The following NFATC1 variants were observed in gnomAD, a reference collection of about 807,000 sequenced individuals.
NFATC1 encodes the protein nuclear factor of activated T cells 1, also known as nuclear factor of activated T-cells, cytoplasmic 1.
A neutral mutation model predicts 76.0 loss-of-function variants in NFATC1; 22 were observed. That is an observed-to-expected ratio of 0.29 (90% confidence interval 0.21 to 0.41). The LOEUF (loss-of-function observed/expected upper bound fraction) is 0.41, where lower values mean the gene tolerates loss of function less well. Ranked by LOEUF, NFATC1 falls within the 10% of genes least tolerant of loss-of-function variation. The pLI is 1.00. For missense variants in NFATC1, 1,357 were observed against 1,337.7 expected, an observed-to-expected ratio of 1.01 and a Z score of -0.23; for synonymous variants, 704 against 613.1, an observed-to-expected ratio of 1.15 and a Z score of -2.19.
intron 8 of NFATC1, among the ~76,000 whole-genome samples, chr18:79,483,054 C>A (rs1426059594): frequency 5.7e-5 from 7 of 121,944 alleles, no homozygotes; most frequent in African/African-American, 9.3e-5. Flanking sequence ...GTGACCTGGT[C>A]CTGGGGTGTC....
rs749679697 is a variant in NFATC1 at position 79,486,938 on chromosome 18, G to C, written c.2782+1G>C. 18 of 1,588,130 alleles carry C rather than the reference G, an allele frequency of 1.1e-5. No homozygotes were observed. Among genetic ancestry groups the C allele is most frequent in the Non-Finnish European group, 1.5e-5 (17 of 1,164,496 alleles). ...TTGGACCAGTTGTACCTGGATGACG[G>C]TGAGTGCCCGCAGCCATGCAGGTGT... On this transcript the variant is annotated splice_donor_variant, in intron 9 of 9. Transcript: ENST00000427363. LOFTEE classifies it high-confidence loss of function.
intron 3 of NFATC1, among the ~76,000 whole-genome samples, chr18:79,438,153 C>T (rs905101689): frequency 3.3e-5 from 5 of 152,248 alleles, no homozygotes; most frequent in Non-Finnish European, 5.9e-5. Context: ...AGTGCCCGCC[C>T]TGGTCACTCT....
At chr18:79,414,775 T>G (rs920127073) in intron 2 of NFATC1, among the ~76,000 whole-genome samples, 1 of 152,140 alleles carries the variant, frequency 6.6e-6, no homozygotes, top group Non-Finnish European at 1.5e-5. Flanking sequence ...CCGCCTTGCT[T>G]CTTTCCAGGG....
chr18:79,518,455 C>T (rs1005153088), intron 9 of NFATC1, among the ~76,000 whole-genome samples: 1 of 152,212 alleles, frequency 6.6e-6, no homozygotes, highest in Non-Finnish European at 1.5e-5. Flanking sequence ...TGCTTGTGTT[C>T]TGATGGGCGG....
chr18:79,425,768 TGAAGCCCATTCACCAGGTGGGCGGGGGAG>T (rs2086307236), intron 2 of NFATC1, among the ~76,000 whole-genome samples: 1 of 152,194 alleles, frequency 6.6e-6, no homozygotes, highest in African/African-American at 2.4e-5. Flanking sequence ...CTTTGGAAAC[TGAAGCCCATTCACCAGGTGGGCGGGGGAG>T]GAGCTGGGCA....
At chr18:79,420,594 C>G (rs1293827680) in intron 2 of NFATC1, among the ~76,000 whole-genome samples, 1 of 150,376 alleles carries the variant, frequency 6.6e-6, no homozygotes, top group Non-Finnish European at 1.5e-5. Flanking sequence ...GAGGGGGATG[C>G]GTTTCCGGGA....
At position 79,450,826 on chromosome 18, in the gene NFATC1, G is replaced by A. The variant is rs752923534; in HGVS notation, c.1590-128G>A. The stretch of plus-strand genomic sequence containing the variant: ...AAGGTCTTGTTTTCCTTGGGGAAGG[G>A]GAGAGTGGCCAGCTGCCTGGCACGA... On this transcript the variant is annotated intron_variant, in intron 4 of 9. Transcript: ENST00000427363. The A allele has an allele frequency of 3.6e-5, 43 of 1,193,002 alleles. 1 individual carries two copies. In the South Asian group the frequency reaches 5.7e-4, roughly 16 times the overall value. The allele number at this position is 1,193,002 out of a possible 1,614,324, so 73.9% of individuals were successfully genotyped here.
chr18:79,491,347 C>T (rs1392943803), intron 9 of NFATC1, among the ~76,000 whole-genome samples: 4 of 152,156 alleles, frequency 2.6e-5, no homozygotes, highest in Non-Finnish European at 5.9e-5. Context: ...AGAAACAACA[C>T]GAACCCCAGG....
intron 3 of NFATC1, among the ~76,000 whole-genome samples, chr18:79,434,913 G>A (rs534368846): frequency 2.8e-4 from 42 of 152,314 alleles, no homozygotes; most frequent in Non-Finnish European, 5.4e-4. Flanking sequence ...TACCTCCCTC[G>A]TTGGTGCTTG....
chr18:79,430,757 C>T (rs1047574207), intron 2 of NFATC1, among the ~76,000 whole-genome samples: 7 of 151,004 alleles, frequency 4.6e-5, no homozygotes, highest in Non-Finnish European at 7.4e-5. Context: ...AGACGGGCAC[C>T]GCCTCGCATC....
At chr18:79,434,341 C>T (rs979655710) in intron 3 of NFATC1, among the ~76,000 whole-genome samples, 2 of 152,258 alleles carry the variant, frequency 1.3e-5, no homozygotes, top group East Asian at 1.9e-4. Flanking sequence ...CCTCACCTTC[C>T]TCACACCTTG....
rs186455884 is a variant in NFATC1, at chr18:79,499,689, A to C, written c.2782+12752A>C. 8.7e-4 allele frequency among the ~76,000 whole-genome samples: 132 copies of C among 152,346 alleles called. 1 individual carries two copies. The highest frequency in any genetic ancestry group is 3.4e-3 in the Middle Eastern group (1 of 294). On this transcript the variant is annotated intron_variant, in intron 9 of 9. Coordinates refer to ENST00000427363, the MANE Select transcript of NFATC1 (RefSeq NM_001278669.2). ...ATAGGTTGAAAGTAAAATGATAAAG[A>C]GATACTGTGCAATAGTAATCAAAAG...
rs569843953 is a variant in NFATC1, at chr18:79,495,284, G to A, written c.2782+8347G>A. On this transcript the variant is annotated intron_variant, in intron 9 of 9. Transcript: ENST00000427363. ...GTGAGCTGCCCACGGGCTGCTCCTT[G>A]GGGCCTGTGAGGTTCTGGGCACTTT... is the stretch of plus-strand genomic sequence containing the variant. Among the ~76,000 whole-genome samples the A allele has an allele frequency of 1.8e-4, 27 of 152,386 alleles. No individual in the cohort carries two copies. In the East Asian group the frequency reaches 5.2e-3, roughly 29 times the overall value.
At position 79,431,077 on chromosome 18, in the gene NFATC1, G is replaced by T. The variant is rs549827511; in HGVS notation, c.1227-2502G>T. Among the ~76,000 whole-genome samples the T allele has an allele frequency of 3.9e-5, 6 of 152,324 alleles. No homozygotes were observed. The South Asian group carries it at 1.2e-3, about 32-fold the overall frequency. On this transcript the variant is annotated intron_variant, in intron 2 of 9. Transcript: ENST00000427363. ...TGCGTCTTGGAGATTCCTCTGTCAGGGAAGCTGTCGTGGCTGAGTTGGGGT... is the reference window on the plus strand; with the variant it reads ...TGCGTCTTGGAGATTCCTCTGTCAGTGAAGCTGTCGTGGCTGAGTTGGGGT...
chr18:79,485,393 A>G (rs1015312918), intron 8 of NFATC1, among the ~76,000 whole-genome samples: 3 of 152,236 alleles, frequency 2.0e-5, no homozygotes, highest in African/African-American at 7.2e-5. Context: ...CCAACAGGAA[A>G]ACAGCAACCG....
intron 8 of NFATC1, among the ~76,000 whole-genome samples, chr18:79,474,402 A>C (rs1282492559): frequency 4.4e-5 from 6 of 136,026 alleles, no homozygotes; most frequent in African/African-American, 1.7e-4. Flanking sequence ...AACCTGAGGG[A>C]AGCGTGTTCT....
At chr18:79,451,544 G>C in intron 5 of NFATC1, 132 bp from the exon 6 acceptor site, 2 of 966,448 alleles carry the variant, frequency 2.1e-6, no homozygotes, top group Non-Finnish European at 2.9e-6. Context: ...GCATCCGCAG[G>C]GGTCGGCCCG....
At chr18:79,469,346 T>A (rs2088679540) in intron 8 of NFATC1, 4 of 985,286 alleles carry the variant, frequency 4.1e-6, no homozygotes, top group Admixed American at 1.2e-4. Flanking sequence ...CCACCGTGGG[T>A]TTGAGCAGCA....
At chr18:79,437,871 C>T (rs1568961576) in intron 3 of NFATC1, among the ~76,000 whole-genome samples, 1 of 152,256 alleles carries the variant, frequency 6.6e-6, no homozygotes, top group East Asian at 1.9e-4. Flanking sequence ...AGCCTCTGCC[C>T]TCAGCGCTGC....
Sources: gnomAD v4.1 joint callset for allele counts (sites outside exome capture counted in the v4.1 genomes callset) on GRCh38, gnomAD v4.1.1 for gene constraint, MANE v1.5 for transcripts, NCBI Gene and HGNC (gene_info 2026-07-23, HGNC 2026-07-21) for gene names.